The following MYO16 variants were observed in gnomAD, a reference collection of about 807,000 sequenced individuals.
The protein encoded by MYO16 is unconventional myosin-XVI.
MYO16 carries 94 observed loss-of-function variants against 205.3 expected under a neutral mutation model. That is an observed-to-expected ratio of 0.46 (90% CI 0.39 to 0.54). MYO16 has a LOEUF of 0.54. MYO16 is among the 20% of genes least tolerant of loss of function. The pLI is 0.00. For missense variants in MYO16, 2,315 were observed against 2,387.5 expected, an observed-to-expected ratio of 0.97 and a Z score of 0.63; for synonymous variants, 988 against 954.0, an observed-to-expected ratio of 1.04 and a Z score of -0.66.
intron 21 of MYO16, among the ~76,000 whole-genome samples, chr13:109,000,821 TTATTA>T (rs1218466386): frequency 6.6e-6 from 1 of 152,126 alleles, no homozygotes; most frequent in East Asian, 1.9e-4. Context: ...TCTTAGCATA[TTATTA>T]TATAAGATTT....
Position 108,964,751 on chromosome 13 carries a change from A to G in MYO16, c.2228-10A>G, listed in dbSNP as rs1883723787. 3.1e-6 allele frequency: 5 copies of G among 1,612,792 alleles called. No individual in the cohort carries two copies. The South Asian group carries it at 5.5e-5, about 18-fold the overall frequency. Reference sequence around the variant, plus strand: ...TGTGCTCACTCCTCCTTTTCTTTCTACCATTTTAGGGGATATGATAATACG... The same window carrying G: ...TGTGCTCACTCCTCCTTTTCTTTCTGCCATTTTAGGGGATATGATAATACG... On this transcript the variant is annotated splice_polypyrimidine_tract_variant and intron_variant, in intron 19 of 34. Coordinates refer to ENST00000457511, the MANE Select transcript of MYO16 (RefSeq NM_001198950.3).
At chr13:108,892,203 A>G (rs1880209562) in intron 14 of MYO16, among the ~76,000 whole-genome samples, 1 of 152,194 alleles carries the variant, frequency 6.6e-6, no homozygotes, top group Admixed American at 6.6e-5. Flanking sequence ...ACCATTTATT[A>G]AGCTCATACC....
chr13:109,082,664 G>A (rs768012631), intron 27 of MYO16, among the ~76,000 whole-genome samples: 3 of 152,032 alleles, frequency 2.0e-5, no homozygotes, highest in Non-Finnish European at 4.4e-5. Context: ...GCAAAACCCC[G>A]TCTCTACTAA....
chr13:108,892,648 C>T (rs983241745), intron 14 of MYO16, among the ~76,000 whole-genome samples: 1 of 152,108 alleles, frequency 6.6e-6, no homozygotes, highest in African/African-American at 2.4e-5. Flanking sequence ...AGTTAGAGTA[C>T]GTGTAAAACA....
At chr13:108,600,785 G>A (rs1376441372) in intron 1 of MYO16, among the ~76,000 whole-genome samples, 1 of 152,122 alleles carries the variant, frequency 6.6e-6, no homozygotes, top group Middle Eastern at 3.2e-3. Flanking sequence ...TGTAGTAAAT[G>A]CAGCCCCTAA....
intron 5 of MYO16, among the ~76,000 whole-genome samples, chr13:108,789,474 T>C (rs780746621): frequency 6.6e-6 from 1 of 152,150 alleles, no homozygotes; most frequent in Non-Finnish European, 1.5e-5. Flanking sequence ...TTCTTTTGTT[T>C]AAGGCAGTTT....
chr13:109,118,821 G>A (rs1164685455), intron 28 of MYO16, among the ~76,000 whole-genome samples: 1 of 151,720 alleles, frequency 6.6e-6, no homozygotes, highest in Non-Finnish European at 1.5e-5. Context: ...TAACTGGGAA[G>A]ATAAAATGGC....
chr13:108,648,108 C>T (rs1055847208), intron 1 of MYO16, among the ~76,000 whole-genome samples: 1 of 152,170 alleles, frequency 6.6e-6, no homozygotes, highest in Non-Finnish European at 1.5e-5. Flanking sequence ...GAGCCAACTG[C>T]TTTACATCAA....
At position 108,743,371 on chromosome 13, in the gene MYO16, A is replaced by G. The variant is rs1315149617; in HGVS notation, c.507+15788A>G. 6.6e-5 allele frequency among the ~76,000 whole-genome samples: 10 copies of G among 152,340 alleles called. No individual in the cohort carries two copies. In the East Asian group the frequency reaches 1.9e-3, roughly 29 times the overall value. On this transcript the variant is annotated intron_variant, in intron 4 of 34. Transcript: ENST00000457511. ...TTCAAGAAATTGATACTAGAGAACT[A>G]AAGGACAAAATATTATTTTAAGTAG...
At chr13:109,165,178 A>C in intron 33 of MYO16, 119 bp downstream of exon 33, 2 of 724,434 alleles carry the variant, frequency 2.8e-6, no homozygotes, top group South Asian at 4.0e-5. Context: ...AAAATAGAAT[A>C]TAAACCATGA....
intron 1 of MYO16, among the ~76,000 whole-genome samples, chr13:108,604,868 A>G (rs1878893274): frequency 6.6e-6 from 1 of 152,160 alleles, no homozygotes; most frequent in South Asian, 2.1e-4. Context: ...GTTCATGGTA[A>G]TGGGTACCAT....
intron 5 of MYO16, 94 bp downstream of exon 5, chr13:108,785,837 T>C (rs1886442524): frequency 5.0e-6 from 4 of 806,524 alleles, no homozygotes; most frequent in East Asian, 2.6e-5. Context: ...TGATTTCCGA[T>C]GGATGTAGTT....
In MYO16 at chr13:109,071,082, C is replaced by CA. The variant is rs1190364785; in HGVS notation, c.3335+15488dup. Among the ~76,000 whole-genome samples, 4 of 152,032 alleles carry CA rather than the reference C, an allele frequency of 2.6e-5. No individual in the cohort carries two copies. The East Asian group carries it at 7.7e-4, about 29-fold the overall frequency. On this transcript the variant is annotated intron_variant, in intron 27 of 34. Coordinates refer to ENST00000457511, the MANE Select transcript of MYO16 (RefSeq NM_001198950.3). ...TTATATTATATGACATAAAGATGTC[C>CA]ATTTTTATCAGAATCTATTCTGGAA...
chr13:108,955,348 A>T (rs1883308025), intron 16 of MYO16, among the ~76,000 whole-genome samples: 1 of 152,196 alleles, frequency 6.6e-6, no homozygotes, highest in African/African-American at 2.4e-5. Context: ...CAGCAGATTC[A>T]TATTCCAAAG....
intron 20 of MYO16, among the ~76,000 whole-genome samples, chr13:108,967,051 TA>T (rs1883819574): frequency 6.6e-6 from 1 of 152,000 alleles, no homozygotes; most frequent in South Asian, 2.1e-4. Flanking sequence ...TATTACTGTA[TA>T]TATATATACA....
intron 2 of MYO16, among the ~76,000 whole-genome samples, chr13:108,676,760 G>A (rs117947373): frequency 0.018 from 2,727 of 152,230 alleles, 43 homozygotes; most frequent in Non-Finnish European, 0.025. Flanking sequence ...TTGTTACTCT[G>A]GTAGTCCCAG....
chr13:108,686,751 G>A (rs912788668), intron 2 of MYO16, among the ~76,000 whole-genome samples: 1 of 152,204 alleles, frequency 6.6e-6, no homozygotes, highest in Non-Finnish European at 1.5e-5. Context: ...AAATCATGAC[G>A]AAGAGAAAAG....
intron 1 of MYO16, among the ~76,000 whole-genome samples, chr13:108,608,935 C>T (rs1202835953): frequency 1.3e-5 from 2 of 152,144 alleles, no homozygotes; most frequent in Non-Finnish European, 2.9e-5. Flanking sequence ...TGAGCTACCC[C>T]ACGATGAGAT....
intron 20 of MYO16, among the ~76,000 whole-genome samples, chr13:108,978,611 G>GT (rs1884353091): frequency 6.6e-6 from 1 of 151,568 alleles, no homozygotes; most frequent in Non-Finnish European, 1.5e-5. Context: ...CTGTTTTCTA[G>GT]TCTTTATTTA....
Sources: gnomAD v4.1 joint callset for allele counts (sites outside exome capture counted in the v4.1 genomes callset) on GRCh38, gnomAD v4.1.1 for gene constraint, MANE v1.5 for transcripts, NCBI Gene and HGNC (gene_info 2026-07-23, HGNC 2026-07-21) for gene names.